DENND1A: variants seen among roughly 807,000 people sequenced by gnomAD.
DENND1A encodes the protein DENN domain containing 1A, also known as DENN domain-containing protein 1A.
A neutral mutation model predicts 113.7 loss-of-function variants in DENND1A; 51 were observed. The observed-to-expected ratio is 0.45, with a 90% CI of 0.36 to 0.57. The LOEUF (loss-of-function observed/expected upper bound fraction) is 0.57. Ranked by LOEUF, DENND1A falls within the 20% of genes least tolerant of loss-of-function variation. The pLI is 0.00. For missense variants in DENND1A, 1,258 were observed against 1,395.9 expected (o/e 0.90, Z 1.57); for synonymous variants, 565 against 570.8 (o/e 0.99, Z 0.14).
At chr9:123,769,587 T>G (rs755400294) in intron 3 of DENND1A, 24 bp from the exon 4 acceptor site, 1 of 1,597,510 alleles carries the variant, frequency 6.3e-7, no homozygotes, top group Admixed American at 1.7e-5. Context: ...GAGAGATAAT[T>G]TATACATCTA....
chr9:123,552,025 G>GAGAGAC (rs2057098388), intron 13 of DENND1A, among the ~76,000 whole-genome samples: 1 of 142,804 alleles, frequency 7.0e-6, no homozygotes, highest in African/African-American at 2.8e-5. Context: ...GAGCGAGAGA[G>GAGAGAC]AGAGAGAGAG....
chr9:123,634,255 CTCATT>C (rs1396036516), intron 9 of DENND1A, among the ~76,000 whole-genome samples: 1 of 152,194 alleles, frequency 6.6e-6, no homozygotes, highest in African/African-American at 2.4e-5. Flanking sequence ...AAGGTGTTTG[CTCATT>C]TCATTAGTGG....
intron 11 of DENND1A, among the ~76,000 whole-genome samples, chr9:123,584,038 T>A (rs1365337883): frequency 6.6e-6 from 1 of 152,196 alleles, no homozygotes; most frequent in East Asian, 1.9e-4. Flanking sequence ...GCCTGAGTTT[T>A]AAATTTTTAA....
At chr9:123,809,963 C>T (rs1025163306) in intron 2 of DENND1A, among the ~76,000 whole-genome samples, 17 of 152,182 alleles carry the variant, frequency 1.1e-4, no homozygotes, top group African/African-American at 3.6e-4. Flanking sequence ...CAGGAGCCAC[C>T]GGTCTGGTCA....
At chr9:123,609,378 C>A (rs2060310952) in intron 11 of DENND1A, 58 bp downstream of exon 11, 4 of 1,586,316 alleles carry the variant, frequency 2.5e-6, no homozygotes, top group Non-Finnish European at 2.6e-6. Flanking sequence ...TCTCCACCGC[C>A]ACACAATGAA....
intron 5 of DENND1A, among the ~76,000 whole-genome samples, chr9:123,681,445 T>C (rs1013243954): frequency 1.3e-5 from 2 of 151,972 alleles, no homozygotes; most frequent in Non-Finnish European, 2.9e-5. Flanking sequence ...CACATGCTAC[T>C]GTAAAAACAG....
chr9:123,385,729 A>G (rs2042531131), intron 22 of DENND1A, among the ~76,000 whole-genome samples: 1 of 152,202 alleles, frequency 6.6e-6, no homozygotes, highest in South Asian at 2.1e-4. Context: ...TGGATGAGGA[A>G]TGAAGCTCAG....
At chr9:123,851,953 T>C (rs1049943313) in intron 2 of DENND1A, among the ~76,000 whole-genome samples, 1 of 152,150 alleles carries the variant, frequency 6.6e-6, no homozygotes, top group African/African-American at 2.4e-5. Flanking sequence ...CTAAGAGCCA[T>C]GGTGAGCCAC....
At chr9:123,888,324 A>G (rs1409709172) in intron 1 of DENND1A, among the ~76,000 whole-genome samples, 1 of 152,230 alleles carries the variant, frequency 6.6e-6, no homozygotes, top group African/African-American at 2.4e-5. Flanking sequence ...ATTTGGATCC[A>G]TCAAATAAAA....
At chr9:123,716,623 C>T (rs1342946138) in intron 5 of DENND1A, among the ~76,000 whole-genome samples, 1 of 152,142 alleles carries the variant, frequency 6.6e-6, no homozygotes, top group Admixed American at 6.6e-5. Context: ...AATATCAAAT[C>T]GGATCATGGT....
At chr9:123,408,759 C>T (rs2044081226) in intron 20 of DENND1A, among the ~76,000 whole-genome samples, 1 of 152,200 alleles carries the variant, frequency 6.6e-6, no homozygotes, top group Non-Finnish European at 1.5e-5. Context: ...TCTCCCGAGT[C>T]CTCAGTTGCC....
intron 21 of DENND1A, among the ~76,000 whole-genome samples, chr9:123,394,563 G>A (rs2043022308): frequency 2.0e-5 from 3 of 152,164 alleles, no homozygotes; most frequent in Non-Finnish European, 4.4e-5. Flanking sequence ...CCTTTATTCG[G>A]GCATTTATTT....
At position 123,422,325 on chromosome 9, in the gene DENND1A, GA is replaced by G. The variant is rs1400779975; in HGVS notation, c.1489-10497del. Among the ~76,000 whole-genome samples the G allele has an allele frequency of 6.6e-6, 1 of 152,200 alleles. No individual in the cohort carries two copies. The highest frequency in any genetic ancestry group is 1.5e-5 in the Non-Finnish European group (1 of 68,034). ...ACATTCCTGGCATGCTTCTGATCAG[GA>G]AAAACCCTCTACCTACAGGTTTCCT... is the stretch of plus-strand genomic sequence containing the variant. On this transcript the variant is annotated intron_variant, in intron 19 of 23. Coordinates refer to ENST00000394215, the MANE Select transcript of DENND1A (RefSeq NM_001352964.2). This position sits in a 1 kb window ranked among gnomAD's most constrained non-coding sequence, Gnocchi z 4.8.
intron 12 of DENND1A, among the ~76,000 whole-genome samples, chr9:123,560,694 A>C (rs1214690166): frequency 6.6e-6 from 1 of 151,540 alleles, no homozygotes; most frequent in Non-Finnish European, 1.5e-5. Context: ...TGTCTCAAAA[A>C]AAAAAAAAAA....
intron 5 of DENND1A, among the ~76,000 whole-genome samples, chr9:123,694,585 T>C (rs2065389865): frequency 2.0e-5 from 3 of 152,228 alleles, no homozygotes; most frequent in South Asian, 2.1e-4. Flanking sequence ...TTTCCTCTTT[T>C]GCCCTATCTC....
At chr9:123,838,619 C>T (rs1232354217) in intron 2 of DENND1A, among the ~76,000 whole-genome samples, 2 of 152,166 alleles carry the variant, frequency 1.3e-5, no homozygotes, top group African/African-American at 2.4e-5. Context: ...CCCAAATGTC[C>T]TTAAATTGCA....
At chr9:123,575,245 A>G (rs534303967) in intron 12 of DENND1A, among the ~76,000 whole-genome samples, 3 of 152,270 alleles carry the variant, frequency 2.0e-5, no homozygotes, top group African/African-American at 7.2e-5. Flanking sequence ...CACACAACCT[A>G]CATCCCTTGC....
At position 123,549,603 on chromosome 9, in the gene DENND1A, A is replaced by G. The variant is rs1239509625; in HGVS notation, c.993+7967T>C. Among the ~76,000 whole-genome samples, 4 of 152,132 alleles carry G rather than the reference A, an allele frequency of 2.6e-5. No homozygotes were observed. The South Asian group carries it at 6.2e-4, about 24-fold the overall frequency. ...TACAGCATTTCAAAGCTTTATTCACAAAGATGTTTAGTGGAGTATTACTTA... is the reference window on the plus strand; with the variant it reads ...TACAGCATTTCAAAGCTTTATTCACGAAGATGTTTAGTGGAGTATTACTTA... On this transcript the variant is annotated intron_variant, in intron 13 of 23. Coordinates refer to ENST00000394215, the MANE Select transcript of DENND1A (RefSeq NM_001352964.2).
At chr9:123,833,355 T>C (rs537706209) in intron 2 of DENND1A, among the ~76,000 whole-genome samples, 1 of 152,134 alleles carries the variant, frequency 6.6e-6, no homozygotes, top group South Asian at 2.1e-4. Context: ...TATAAAAAAG[T>C]TTTTCTAAAC....
Sources: allele counts gnomAD v4.1 joint callset (sites outside exome capture counted in the v4.1 genomes callset), GRCh38; gene constraint gnomAD v4.1.1; non-coding constraint Gnocchi (gnomAD v3.1); transcripts MANE v1.5; gene names NCBI Gene and HGNC (gene_info 2026-07-23, HGNC 2026-07-21).